Variants in OTUD7A observed in about 807,000 individuals in gnomAD.
OTUD7A encodes the protein OTU domain-containing protein 7A.
Under a neutral mutation model 65.7 loss-of-function variants are expected in OTUD7A, and 12 were observed. The observed-to-expected ratio is 0.18, with a 90% confidence interval of 0.12 to 0.30. OTUD7A has a LOEUF of 0.30. OTUD7A is among the 10% of genes least tolerant of loss of function. OTUD7A has a pLI of 1.00. For synonymous variants in OTUD7A, 641 were observed against 586.3 expected, an observed-to-expected ratio of 1.09 and a Z score of -1.35; for missense variants, 1,148 against 1,304.8, an observed-to-expected ratio of 0.88 and a Z score of 1.85.
At chr15:31,865,698 C>T (rs1459929337) in intron 1 of OTUD7A, among the ~76,000 whole-genome samples, 1 of 152,192 alleles carries the variant, frequency 6.6e-6, no homozygotes, top group Non-Finnish European at 1.5e-5. Context: ...TCCAGGCAGC[C>T]ACCTCCTCTT....
At chr15:31,520,220 T>C (rs1449607446) in intron 8 of OTUD7A, among the ~76,000 whole-genome samples, 2 of 148,028 alleles carry the variant, frequency 1.4e-5, no homozygotes, top group East Asian at 3.9e-4. Flanking sequence ...AAGGATAACA[T>C]CATCTAATTT....
At chr15:31,819,238 T>C (rs1376226583) in intron 1 of OTUD7A, among the ~76,000 whole-genome samples, 1 of 152,208 alleles carries the variant, frequency 6.6e-6, no homozygotes, top group Non-Finnish European at 1.5e-5. Flanking sequence ...AAAGGCCCAG[T>C]AATTTCTTTT....
intron 1 of OTUD7A, among the ~76,000 whole-genome samples, chr15:31,838,565 G>C (rs945346047): frequency 6.6e-6 from 1 of 152,066 alleles, no homozygotes; most frequent in African/African-American, 2.4e-5. Context: ...ACTCCCAACT[G>C]ATCTCAGGCT....
intron 3 of OTUD7A, among the ~76,000 whole-genome samples, chr15:31,616,460 G>A (rs1195671949): frequency 2.0e-5 from 3 of 152,146 alleles, no homozygotes; most frequent in African/African-American, 7.2e-5. Flanking sequence ...TCTAAGTTGG[G>A]GGTTTGCAAA....
At chr15:31,564,900 A>G (rs902470506) in intron 4 of OTUD7A, among the ~76,000 whole-genome samples, 1 of 152,220 alleles carries the variant, frequency 6.6e-6, no homozygotes, top group Non-Finnish European at 1.5e-5. Flanking sequence ...TTTAATATCA[A>G]CAAAAGCAGA....
chr15:31,691,729 A>G (rs1892966558), intron 1 of OTUD7A, among the ~76,000 whole-genome samples: 1 of 143,868 alleles, frequency 7.0e-6, no homozygotes, highest in South Asian at 2.5e-4. Context: ...AAATGGGTTT[A>G]TATCAAGCTA....
chr15:31,781,465 C>T (rs1321047973), intron 1 of OTUD7A, among the ~76,000 whole-genome samples: 1 of 151,396 alleles, frequency 6.6e-6, no homozygotes, highest in African/African-American at 2.4e-5. Context: ...CATCCCACTG[C>T]ACCCTGTCTG....
Position 31,655,214 on chromosome 15 carries a change from C to T in OTUD7A, c.33G>A (p.Ser11=), listed in dbSNP as rs201563457. The T allele has an allele frequency of 3.5e-5, 53 of 1,511,370 alleles. No homozygotes were observed. In the East Asian group the frequency reaches 4.2e-4, roughly 12 times the overall value. The allele number at this position is 1,511,370 out of a possible 1,614,324, so 93.6% of individuals were successfully genotyped here. The change falls in exon 3 of 13, where the codon TCG becomes TCA. Residue 11 remains serine (S), a synonymous_variant. Coordinates refer to ENST00000307050, the MANE Select transcript of OTUD7A (RefSeq NM_001382637.1). The part of the protein sequence containing the change: MVSSVLPNPT[S]AECWAALLHD... ...GTAGAAGTGCTGCCCAACACTCAGC[C>T]GAGGTGGGGTTTGGAAGCACACTAG...
At chr15:31,704,060 T>C (rs1239369866) in intron 1 of OTUD7A, among the ~76,000 whole-genome samples, 218 of 127,090 alleles carry the variant, frequency 1.7e-3, no homozygotes, top group Middle Eastern at 3.6e-3. Flanking sequence ...AAGAATGAGG[T>C]TGGGTAAGTG....
intron 1 of OTUD7A, among the ~76,000 whole-genome samples, chr15:31,869,218 T>A (rs1330319757): frequency 6.6e-6 from 1 of 152,160 alleles, no homozygotes. Flanking sequence ...GCCGTGCAGA[T>A]CTACCTCTGT....
rs200075196 is a variant in OTUD7A, at chr15:31,511,021, G to A, written c.894-7203C>T. Among the ~76,000 whole-genome samples the A allele has an allele frequency of 7.6e-5, 3 of 39,278 alleles. 1 individual carries two copies. The highest frequency in any genetic ancestry group is 4.9e-4 in the South Asian group (1 of 2,024). The allele number at this position is 39,278 out of a possible 152,430, so 25.8% of individuals were successfully genotyped here. A position where few individuals can be genotyped will look rare whatever the true frequency, so the allele number is the denominator to read the frequency against. The stretch of plus-strand genomic sequence containing the variant: ...ATGTATATCTATATGTAACATACAT[G>A]TATATCTATATGTAACATACATGTA... On this transcript the variant is annotated intron_variant, in intron 8 of 12. Transcript: ENST00000307050.
chr15:31,622,955 T>C (rs1890839474), intron 3 of OTUD7A, among the ~76,000 whole-genome samples: 1 of 152,206 alleles, frequency 6.6e-6, no homozygotes, highest in Non-Finnish European at 1.5e-5. Context: ...GTGGATGTCC[T>C]TTCTGTTTGT....
At chr15:31,527,835 C>T (rs534631479) in intron 6 of OTUD7A, among the ~76,000 whole-genome samples, 155 of 152,358 alleles carry the variant, frequency 1.0e-3, no homozygotes, top group East Asian at 1.2e-3. Context: ...CAGGAGAGAG[C>T]GCCTGCTTCC....
intron 8 of OTUD7A, among the ~76,000 whole-genome samples, chr15:31,509,285 C>CT (rs200370102): frequency 0.013 from 1,983 of 150,462 alleles, 21 homozygotes; most frequent in Non-Finnish European, 0.02. Context: ...TTTGTTTAAA[C>CT]TTTTTTTTTT....
intron 1 of OTUD7A, among the ~76,000 whole-genome samples, chr15:31,785,468 G>A (rs892668913): frequency 1.3e-5 from 2 of 152,122 alleles, no homozygotes; most frequent in Admixed American, 1.3e-4. Context: ...GCAAAAAGGT[G>A]TGTCCCATTT....
At chr15:31,823,605 C>T (rs929821170) in intron 1 of OTUD7A, among the ~76,000 whole-genome samples, 6 of 152,320 alleles carry the variant, frequency 3.9e-5, no homozygotes, top group East Asian at 1.9e-4. Context: ...TCAAAGGACA[C>T]GCCTCCTGAA....
intron 1 of OTUD7A, among the ~76,000 whole-genome samples, chr15:31,762,911 G>A (rs1035669164): frequency 6.6e-6 from 1 of 152,128 alleles, no homozygotes; most frequent in Non-Finnish European, 1.5e-5. Flanking sequence ...GCTACTCCGA[G>A]ACGACAAAAA....
intron 1 of OTUD7A, among the ~76,000 whole-genome samples, chr15:31,822,297 A>G (rs930382730): frequency 6.6e-6 from 1 of 152,192 alleles, no homozygotes; most frequent in Admixed American, 6.5e-5. Context: ...TGGGCTTCCC[A>G]AAGCGCTGCT....
intron 5 of OTUD7A, chr15:31,557,506 T>C (rs1377645739): frequency 6.6e-6 from 1 of 152,192 alleles, no homozygotes; most frequent in Non-Finnish European, 1.5e-5. Context: ...AGGAAGAGTG[T>C]GGTCAGAGTA....
Sources: allele counts gnomAD v4.1 joint callset (sites outside exome capture counted in the v4.1 genomes callset), GRCh38; gene constraint gnomAD v4.1.1; transcripts MANE v1.5; gene names NCBI Gene and HGNC (gene_info 2026-07-23, HGNC 2026-07-21).